HS3ST4: variants seen among roughly 807,000 people sequenced by gnomAD.
HS3ST4 encodes heparan sulfate glucosamine 3-O-sulfotransferase 4.
HS3ST4 carries 17 observed loss-of-function variants against 29.2 expected under a neutral mutation model. The observed-to-expected ratio is 0.58, with a 90% CI of 0.40 to 0.87. The LOEUF is 0.87. Among genes scored for constraint, HS3ST4 ranks in the 40% least tolerant of loss-of-function variants. The pLI is 0.00. For synonymous variants in HS3ST4, 314 were observed against 285.7 expected (o/e 1.10, Z -1.00); for missense variants, 627 against 634.5 (o/e 0.99, Z 0.13).
At chr16:26,007,334 A>C (rs993127259) in intron 1 of HS3ST4, among the ~76,000 whole-genome samples, 1 of 152,150 alleles carries the variant, frequency 6.6e-6, no homozygotes, top group African/African-American at 2.4e-5. Flanking sequence ...AAATTTTGCA[A>C]AACAGGAAGC....
intron 1 of HS3ST4, among the ~76,000 whole-genome samples, chr16:26,118,898 A>G (rs76538347): frequency 0.22 from 33,702 of 152,132 alleles, 4,170 homozygotes; most frequent in Middle Eastern, 0.31. Flanking sequence ...TTGTAACATA[A>G]TGAGACATTT....
chr16:26,128,735 A>G (rs572496643), intron 1 of HS3ST4, among the ~76,000 whole-genome samples: 1 of 152,290 alleles, frequency 6.6e-6, no homozygotes, highest in South Asian at 2.1e-4. Flanking sequence ...CATCTCTATA[A>G]TGGGCTCAGT....
At chr16:26,125,060 T>C (rs377383331) in intron 1 of HS3ST4, among the ~76,000 whole-genome samples, 46 of 152,246 alleles carry the variant, frequency 3.0e-4, no homozygotes, top group African/African-American at 1.1e-3. Context: ...CAGAAAAGCA[T>C]CACGAACATC....
intron 1 of HS3ST4, among the ~76,000 whole-genome samples, chr16:25,812,040 C>T (rs1483097938): frequency 6.6e-6 from 1 of 152,032 alleles, no homozygotes; most frequent in Non-Finnish European, 1.5e-5. Context: ...TGCATATGTA[C>T]CACGTTTTCT....
At chr16:26,118,733 A>G (rs2141808315) in intron 1 of HS3ST4, among the ~76,000 whole-genome samples, 1 of 152,304 alleles carries the variant, frequency 6.6e-6, no homozygotes, top group South Asian at 2.1e-4. Context: ...CTCCAGGATG[A>G]GGAAATATCA....
chr16:25,908,031 G>A (rs1177472357), intron 1 of HS3ST4, among the ~76,000 whole-genome samples: 1 of 152,112 alleles, frequency 6.6e-6, no homozygotes, highest in Non-Finnish European at 1.5e-5. Context: ...ATCCTAAGTC[G>A]GAACAGATGT....
intron 1 of HS3ST4, among the ~76,000 whole-genome samples, chr16:26,065,128 T>C (rs1898527310): frequency 6.6e-6 from 1 of 152,190 alleles, no homozygotes; most frequent in Non-Finnish European, 1.5e-5. Context: ...ACTGGGTATA[T>C]ACCCAAAGGA....
chr16:25,971,694 G>A lies in HS3ST4; in HGVS notation c.735-163918G>A, dbSNP rs1968900576. 3.3e-5 allele frequency among the ~76,000 whole-genome samples: 5 copies of A among 152,190 alleles called. No individual in the cohort carries two copies. The South Asian group carries it at 1.0e-3, about 31-fold the overall frequency. On this transcript the variant is annotated intron_variant, in intron 1 of 1. Coordinates refer to ENST00000331351, the MANE Select transcript of HS3ST4 (RefSeq NM_006040.3). ...TAATCCCAGAACTTTGGGAGGTCGA[G>A]GCAGGCTAATCACGAGGTCAGGAGT... is the stretch of plus-strand genomic sequence containing the variant.
chr16:25,756,860 A>T (rs919007921), intron 1 of HS3ST4, among the ~76,000 whole-genome samples: 1 of 152,208 alleles, frequency 6.6e-6, no homozygotes, highest in African/African-American at 2.4e-5. Flanking sequence ...TCTGCACCTG[A>T]CAGTGAAAAC....
At chr16:25,787,154 A>C (rs1236856144) in intron 1 of HS3ST4, among the ~76,000 whole-genome samples, 1 of 152,248 alleles carries the variant, frequency 6.6e-6, no homozygotes, top group Non-Finnish European at 1.5e-5. Context: ...AGAATATATA[A>C]TATAGTTTCA....
intron 1 of HS3ST4, among the ~76,000 whole-genome samples, chr16:25,883,295 C>G (rs115857344): frequency 0.014 from 2,138 of 152,014 alleles, 57 homozygotes; most frequent in African/African-American, 0.049. Flanking sequence ...TTGCTCAAGA[C>G]TGTAGTCCCT....
chr16:25,704,644 G>A (rs1465876470), intron 1 of HS3ST4, among the ~76,000 whole-genome samples: 4 of 151,966 alleles, frequency 2.6e-5, no homozygotes, highest in African/African-American at 9.7e-5. Context: ...TTGGGAGGCC[G>A]AGGCAGGTGG....
chr16:25,946,626 A>T (rs1968628795), intron 1 of HS3ST4, among the ~76,000 whole-genome samples: 1 of 152,218 alleles, frequency 6.6e-6, no homozygotes, highest in South Asian at 2.1e-4. Flanking sequence ...GAAGCAGACA[A>T]GTTAGTGGCA....
chr16:25,693,007 T>C lies in HS3ST4; in HGVS notation c.590T>C (p.Leu197Pro), dbSNP rs747116390. 6 of 1,611,540 alleles carry C rather than the reference T, an allele frequency of 3.7e-6. No homozygotes were observed. The highest frequency in any genetic ancestry group is 5.1e-6 in the Non-Finnish European group (6 of 1,179,252). Residue 197 changes from leucine (L) to proline (P), a missense_variant, in exon 1 of 2, where the codon CTG (leucine) becomes CCG (proline). Physicochemically the swap from Leu to Pro is moderately conservative, Grantham distance 98. This residue lies in a region of HS3ST4 where 402 missense variants were observed against 340.8 expected (regional missense o/e 1.18). Coordinates refer to ENST00000331351, the MANE Select transcript of HS3ST4 (RefSeq NM_006040.3). ...ACCCCCGACTATGGGGAGAAGAAGC[T>C]GCCACAGGCGCTCATCATCGGGGTC... is the stretch of plus-strand genomic sequence containing the variant. ...VSTPDYGEKK[L>P]PQALIIGVKK...
At chr16:25,771,221 T>C (rs1966841614) in intron 1 of HS3ST4, among the ~76,000 whole-genome samples, 1 of 152,130 alleles carries the variant, frequency 6.6e-6, no homozygotes, top group Admixed American at 6.5e-5. Context: ...CTCCTACTTA[T>C]GAGTGAGAAC....
intron 1 of HS3ST4, among the ~76,000 whole-genome samples, chr16:25,832,319 C>T (rs1322102674): frequency 1.3e-5 from 2 of 152,080 alleles, no homozygotes; most frequent in Admixed American, 6.6e-5. Context: ...AATGCAGAAA[C>T]AAGACTTGAT....
chr16:25,800,805 G>A lies in HS3ST4; in HGVS notation c.734+107654G>A, dbSNP rs371990789. On this transcript the variant is annotated intron_variant, in intron 1 of 1. Coordinates refer to ENST00000331351, the MANE Select transcript of HS3ST4 (RefSeq NM_006040.3). ...TGGTATTAGTGACCTTATAGGAGGG[G>A]TGCAAAGTTGCTGATTGCCTCTTCT... Among the ~76,000 whole-genome samples, 14 of 152,228 alleles carry A rather than the reference G, an allele frequency of 9.2e-5. No homozygotes were observed. The East Asian group carries it at 1.5e-3, about 17-fold the overall frequency.
chr16:25,769,306 G>A (rs1267232775), intron 1 of HS3ST4, among the ~76,000 whole-genome samples: 7 of 151,984 alleles, frequency 4.6e-5, no homozygotes, highest in African/African-American at 1.7e-4. Context: ...TGTCATGGAG[G>A]TTTGATCTTT....
At chr16:25,913,997 A>G (rs1968266084) in intron 1 of HS3ST4, among the ~76,000 whole-genome samples, 1 of 108,378 alleles carries the variant, frequency 9.2e-6, no homozygotes, top group African/African-American at 3.7e-5. Flanking sequence ...GTGTGCAGGG[A>G]GGTGTATGTG....
Sources: allele counts gnomAD v4.1 joint callset (sites outside exome capture counted in the v4.1 genomes callset), GRCh38; gene constraint gnomAD v4.1.1; regional missense constraint gnomAD v4.1.1; transcripts MANE v1.5; gene names NCBI Gene and HGNC (gene_info 2026-07-23, HGNC 2026-07-21).